The following SSH2 variants were observed in gnomAD, a reference collection of about 807,000 sequenced individuals.
The protein encoded by SSH2 is protein phosphatase Slingshot homolog 2.
In SSH2, 37 loss-of-function variants were observed where a neutral mutation model predicts 135.2. The ratio of observed to expected loss-of-function variants is 0.27; its 90% confidence interval spans 0.21 to 0.36. The LOEUF is 0.36. Ranked by LOEUF, SSH2 falls within the 10% of genes least tolerant of loss-of-function variation. SSH2 has a pLI of 1.00. For synonymous variants in SSH2, 628 were observed against 646.2 expected (o/e 0.97, Z 0.43); for missense variants, 1,408 against 1,765.3 (o/e 0.80, Z 3.63).
Position 29,929,925 on chromosome 17 carries a change from AG to A in SSH2, c.63+12del. 2 of 1,590,590 alleles carry A rather than the reference AG, an allele frequency of 1.3e-6. No individual in the cohort carries two copies. The highest frequency in any genetic ancestry group is 1.7e-6 in the Non-Finnish European group (2 of 1,169,398). ...GACAGAAGCAAGCGGAGCGGCCGCC[AG>A]GAAGGACTCACCGAGGCGCAGGGGC... On this transcript the variant is annotated intron_variant, in intron 1 of 15. Coordinates refer to ENST00000540801, the MANE Select transcript of SSH2 (RefSeq NM_001282129.2).
intron 2 of SSH2, among the ~76,000 whole-genome samples, chr17:29,842,135 T>G (rs2043052201): frequency 1.0e-5 from 1 of 99,036 alleles, no homozygotes; most frequent in African/African-American, 3.2e-5. Context: ...CTGATTTAAC[T>G]GGAGGAGACC....
chr17:29,913,349 TATATATATATATATATA>T (rs1190570100), intron 1 of SSH2, among the ~76,000 whole-genome samples: 1 of 16,606 alleles, frequency 6.0e-5, no homozygotes, highest in Non-Finnish European at 1.1e-4. Context: ...AAAAAAAAAA[TATATATATATATATATA>T]TATATATATA....
intron 3 of SSH2, among the ~76,000 whole-genome samples, chr17:29,739,783 A>C (rs374590988): frequency 1.6e-4 from 24 of 152,216 alleles, no homozygotes; most frequent in African/African-American, 5.3e-4. Flanking sequence ...ATTGTAGTTT[A>C]CCTTTGGTTT....
chr17:29,868,693 G>A (rs1242503039), intron 1 of SSH2, among the ~76,000 whole-genome samples: 7 of 150,324 alleles, frequency 4.7e-5, no homozygotes, highest in Non-Finnish European at 8.8e-5. Context: ...AGCTGAGATC[G>A]TGCCACTGCA....
chr17:29,723,524 GA>G (rs2039890298), intron 3 of SSH2, among the ~76,000 whole-genome samples: 1 of 152,138 alleles, frequency 6.6e-6, no homozygotes, highest in Admixed American at 6.5e-5. Context: ...TGGAAGATAA[GA>G]AAGTATGGAA....
At position 29,913,354 on chromosome 17, in the gene SSH2, A is replaced by AAAAAAAAT. The variant is rs1567650071; in HGVS notation, c.63+16583_63+16584insATTTTTTT. Among the ~76,000 whole-genome samples, 15 of 51,296 alleles carry AAAAAAAAT rather than the reference A, an allele frequency of 2.9e-4. 3 individuals carry two copies. The highest frequency in any genetic ancestry group is 1.7e-3 in the East Asian group (3 of 1,742). 33.7% of individuals were successfully genotyped at this position (51,296 alleles called of 152,430 possible). On this transcript the variant is annotated intron_variant, in intron 1 of 15. Transcript: ENST00000540801. ...AAAAAAAAAAAAAAAAAAAATATAT[A>AAAAAAAAT]TATATATATATATATATATATATAT...
chr17:29,667,971 T>C (rs906144629), intron 9 of SSH2, among the ~76,000 whole-genome samples: 2 of 152,138 alleles, frequency 1.3e-5, no homozygotes, highest in African/African-American at 4.8e-5. Flanking sequence ...ATTAGAAAGG[T>C]AGTGGTTCAA....
chr17:29,655,081 G>C (rs1261966183), intron 12 of SSH2, among the ~76,000 whole-genome samples: 2 of 152,046 alleles, frequency 1.3e-5, no homozygotes, highest in African/African-American at 4.8e-5. Context: ...GTGGGGGGAC[G>C]AAACAGGGAG....
chr17:29,853,260 T>A (rs1428757677), intron 1 of SSH2, among the ~76,000 whole-genome samples: 2 of 151,582 alleles, frequency 1.3e-5, no homozygotes, highest in Non-Finnish European at 2.9e-5. Flanking sequence ...CTAATTTTTT[T>A]ATTTTTAGTA....
In SSH2 at chr17:29,627,185, A is replaced by G. The variant is rs534422001; in HGVS notation, c.*3656T>C. ...ATGCACATTTTAATATTCAAAATGTAAACAAAGTATCCACAAATAGTCCAA... is the reference window on the plus strand; with the variant it reads ...ATGCACATTTTAATATTCAAAATGTGAACAAAGTATCCACAAATAGTCCAA... On this transcript the variant is annotated 3_prime_UTR_variant, in exon 16 of 16. Coordinates refer to ENST00000540801, the MANE Select transcript of SSH2 (RefSeq NM_001282129.2). 2 of 152,798 alleles carry G rather than the reference A, an allele frequency of 1.3e-5. No homozygotes were observed. Among genetic ancestry groups the G allele is most frequent in the South Asian group, 4.1e-4 (2 of 4,830 alleles). 9.5% of individuals were successfully genotyped at this position (152,798 alleles called of 1,614,324 possible).
chr17:29,907,762 C>T (rs2066682554), intron 1 of SSH2, among the ~76,000 whole-genome samples: 1 of 152,000 alleles, frequency 6.6e-6, no homozygotes, highest in Non-Finnish European at 1.5e-5. Context: ...TAATTCTTCT[C>T]TCCCAGATAA....
At chr17:29,879,105 C>G (rs1344014001) in intron 1 of SSH2, among the ~76,000 whole-genome samples, 1 of 152,056 alleles carries the variant, frequency 6.6e-6, no homozygotes, top group Non-Finnish European at 1.5e-5. Context: ...TTTAAAATTC[C>G]ATGGTAAAAA....
chr17:29,922,686 T>C (rs984445480), intron 1 of SSH2, among the ~76,000 whole-genome samples: 1 of 152,230 alleles, frequency 6.6e-6, no homozygotes, highest in Non-Finnish European at 1.5e-5. Flanking sequence ...CATTGGTGTG[T>C]GCTTATAATC....
At chr17:29,754,243 G>A (rs1195845075) in intron 3 of SSH2, among the ~76,000 whole-genome samples, 8 of 152,132 alleles carry the variant, frequency 5.3e-5, no homozygotes, top group Non-Finnish European at 1.2e-4. Flanking sequence ...AGAAACTCTG[G>A]GGACTGTGGG....
At chr17:29,776,979 A>G (rs1023163751) in intron 3 of SSH2, among the ~76,000 whole-genome samples, 1 of 152,230 alleles carries the variant, frequency 6.6e-6, no homozygotes, top group South Asian at 2.1e-4. Context: ...TGGGAGGCTG[A>G]GGCGGGCAGA....
intron 3 of SSH2, among the ~76,000 whole-genome samples, chr17:29,748,580 A>G (rs2040833212): frequency 2.0e-5 from 3 of 152,176 alleles, no homozygotes; most frequent in South Asian, 4.1e-4. Context: ...CTCAATTATC[A>G]ATTATTCAGT....
intron 1 of SSH2, among the ~76,000 whole-genome samples, chr17:29,926,365 C>G (rs1185700917): frequency 6.6e-6 from 1 of 151,214 alleles, no homozygotes; most frequent in African/African-American, 2.4e-5. Flanking sequence ...ATGGCGAAAC[C>G]CCATCTCTAC....
intron 14 of SSH2, among the ~76,000 whole-genome samples, chr17:29,644,271 G>A (rs1321020358): frequency 6.6e-6 from 1 of 152,218 alleles, no homozygotes; most frequent in African/African-American, 2.4e-5. Context: ...AGGAAAGAGA[G>A]TGAGGGCAAG....
At chr17:29,638,519 C>CACACACAA (rs2036011878) in intron 14 of SSH2, among the ~76,000 whole-genome samples, 1 of 131,520 alleles carries the variant, frequency 7.6e-6, no homozygotes, top group Admixed American at 8.2e-5. Flanking sequence ...TACACACACA[C>CACACACAA]ACACACACAC....
Sources: gnomAD v4.1 joint callset for allele counts (sites outside exome capture counted in the v4.1 genomes callset) on GRCh38, gnomAD v4.1.1 for gene constraint, MANE v1.5 for transcripts, NCBI Gene and HGNC (gene_info 2026-07-23, HGNC 2026-07-21) for gene names.